Variants in PHTF2 observed in about 807,000 individuals in gnomAD.
The protein encoded by PHTF2 is putative homeodomain transcription factor 2, also known as protein PHTF2.
Under a neutral mutation model 101.2 loss-of-function variants are expected in PHTF2, and 60 were observed. That is an observed-to-expected ratio of 0.59 (90% CI 0.48 to 0.73). The LOEUF (loss-of-function observed/expected upper bound fraction) is 0.73. Among genes scored for constraint, PHTF2 ranks in the 30% least tolerant of loss-of-function variants. PHTF2 has a pLI of 0.00. For synonymous variants in PHTF2, 311 were observed against 307.3 expected, an observed-to-expected ratio of 1.01 and a Z score of -0.13; for missense variants, 747 against 908.7, an observed-to-expected ratio of 0.82 and a Z score of 2.29.
intron 7 of PHTF2, among the ~76,000 whole-genome samples, chr7:77,902,156 A>AT (rs1300608764): frequency 2.6e-5 from 4 of 152,120 alleles, no homozygotes; most frequent in Non-Finnish European, 5.9e-5. Flanking sequence ...AATCGAGAAG[A>AT]TTTTTTAAAA....
chr7:77,816,894 C>G (rs1321381408), intron 1 of PHTF2, among the ~76,000 whole-genome samples: 1 of 152,186 alleles, frequency 6.6e-6, no homozygotes, highest in Non-Finnish European at 1.5e-5. Flanking sequence ...CTGCGAATGA[C>G]AGGATTTGAT....
chr7:77,923,430 C>T lies in PHTF2; in HGVS notation c.1119+652C>T, dbSNP rs560285872. 756 of 984,650 alleles carry T rather than the reference C, an allele frequency of 7.7e-4. 3 individuals are homozygous for T. The highest frequency in any genetic ancestry group is 1.7e-3 in the Admixed American group (28 of 16,238). The allele number at this position is 984,650 out of a possible 1,614,324, so 61.0% of individuals were successfully genotyped here. ...TTTGAGCTATGTTAGTAATTTTTTC[C>T]TTGATGGTTTTGGGTTAAACTTGTA... On this transcript the variant is annotated intron_variant, in intron 11 of 19. Coordinates refer to ENST00000416283, the Ensembl canonical transcript of PHTF2.
chr7:77,868,397 G>A (rs182126770), intron 3 of PHTF2, among the ~76,000 whole-genome samples: 2 of 132,162 alleles, frequency 1.5e-5, no homozygotes, highest in East Asian at 2.4e-4. Flanking sequence ...TTGAACTCCC[G>A]GCTTCAAGCA....
intron 1 of PHTF2, among the ~76,000 whole-genome samples, chr7:77,812,213 T>C (rs1793496815): frequency 6.6e-6 from 1 of 152,230 alleles, no homozygotes; most frequent in African/African-American, 2.4e-5. Flanking sequence ...ATATGCTGAT[T>C]ATATTAAGTT....
intron 1 of PHTF2, among the ~76,000 whole-genome samples, chr7:77,834,297 AGT>A (rs1256018928): frequency 1.5e-5 from 2 of 134,282 alleles, no homozygotes; most frequent in African/African-American, 5.9e-5. Context: ...CGGGCAACTG[AGT>A]GAGACCTTGT....
chr7:77,854,878 T>A (rs1215388381), intron 3 of PHTF2: 6 of 732,570 alleles, frequency 8.2e-6, no homozygotes, highest in Non-Finnish European at 1.5e-5. Context: ...GGCAGCAGGC[T>A]TTGCTCTGGC....
rs1047325119 is a variant in PHTF2 at position 77,880,829 on chromosome 7, C to T, written c.148-12779C>T. The stretch of plus-strand genomic sequence containing the variant: ...GAGGAAACTTGCAAGTGCATATTAT[C>T]ATGCCTGGCATACTTGTAGGTGTTT... On this transcript the variant is annotated intron_variant, in intron 3 of 19. Coordinates refer to ENST00000416283, the Ensembl canonical transcript of PHTF2. 2.0e-5 allele frequency among the ~76,000 whole-genome samples: 3 copies of T among 152,192 alleles called. No homozygotes were observed. In the East Asian group the frequency reaches 5.8e-4, roughly 29 times the overall value.
intron 9 of PHTF2, among the ~76,000 whole-genome samples, chr7:77,915,702 C>G (rs1481354821): frequency 1.3e-5 from 2 of 152,148 alleles, no homozygotes; most frequent in African/African-American, 4.8e-5. Context: ...GGCCAGAGTT[C>G]TTTTCAACCG....
chr7:77,905,059 AT>A (rs762948127), intron 7 of PHTF2, among the ~76,000 whole-genome samples: 1 of 152,042 alleles, frequency 6.6e-6, no homozygotes, highest in Non-Finnish European at 1.5e-5. Flanking sequence ...GGCCCCAGAC[AT>A]TTCTTCTTGC....
intron 1 of PHTF2, among the ~76,000 whole-genome samples, chr7:77,831,355 A>G (rs766771206): frequency 2.6e-5 from 4 of 152,222 alleles, no homozygotes; most frequent in African/African-American, 9.7e-5. Context: ...GCCGTTTACT[A>G]TTGGTGAAGA....
intron 1 of PHTF2, among the ~76,000 whole-genome samples, chr7:77,820,013 C>G (rs1243580547): frequency 6.6e-6 from 1 of 152,152 alleles, no homozygotes; most frequent in African/African-American, 2.4e-5. Context: ...CCTCAGCCTC[C>G]TCAGTAGCTG....
At chr7:77,867,182 C>T (rs1240230384) in intron 3 of PHTF2, among the ~76,000 whole-genome samples, 2 of 152,078 alleles carry the variant, frequency 1.3e-5, no homozygotes, top group Non-Finnish European at 2.9e-5. Context: ...TTTAAATAAG[C>T]CCTGACAGCT....
At chr7:77,834,659 C>T (rs1006919349) in intron 1 of PHTF2, among the ~76,000 whole-genome samples, 1 of 152,144 alleles carries the variant, frequency 6.6e-6, no homozygotes, top group Admixed American at 6.5e-5. Context: ...CTAGATGGCA[C>T]TTGGGGAAAA....
intron 10 of PHTF2, 84 bp from the exon 10 acceptor site, chr7:77,922,539 T>C: frequency 5.8e-6 from 6 of 1,028,092 alleles, no homozygotes; most frequent in Non-Finnish European, 8.4e-6. Flanking sequence ...TATATATGTA[T>C]GTGTAATTTC....
At chr7:77,806,164 CA>C (rs149083447) in intron 1 of PHTF2, among the ~76,000 whole-genome samples, 173 of 125,668 alleles carry the variant, frequency 1.4e-3, no homozygotes, top group Admixed American at 1.5e-3. Flanking sequence ...GACTCCATCT[CA>C]AAAAAAAAAA....
chr7:77,905,253 T>A lies in PHTF2; in HGVS notation c.445+3333T>A, dbSNP rs549351340. On this transcript the variant is annotated intron_variant, in intron 7 of 19. Coordinates refer to ENST00000416283, the Ensembl canonical transcript of PHTF2. ...TCTATTCTGTTTTTTAGACATAGGG[T>A]TTTGCTTTGTTGCTCAGGCTGGAGT... Among the ~76,000 whole-genome samples, 5 of 152,226 alleles carry A rather than the reference T, an allele frequency of 3.3e-5. No individual in the cohort carries two copies. The South Asian group carries it at 1.0e-3, about 32-fold the overall frequency.
At chr7:77,809,224 GTTTT>G (rs34141515) in intron 1 of PHTF2, among the ~76,000 whole-genome samples, 12 of 98,508 alleles carry the variant, frequency 1.2e-4, no homozygotes, top group African/African-American at 3.1e-4. Flanking sequence ...CCAGTTCGTT[GTTTT>G]TTTTTTTTTT....
intron 11 of PHTF2, among the ~76,000 whole-genome samples, chr7:77,925,160 A>T (rs848488): frequency 0.76 from 115,038 of 152,100 alleles, 43,633 homozygotes; most frequent in East Asian, 0.86. Context: ...TTAGATTATT[A>T]AAATGACCTT....
intron 3 of PHTF2, among the ~76,000 whole-genome samples, chr7:77,875,277 A>G (rs1208392475): frequency 2.0e-5 from 3 of 152,004 alleles, no homozygotes; most frequent in African/African-American, 7.2e-5. Flanking sequence ...TAGTTTTCTT[A>G]CATAGATCTT....
Sources: gnomAD v4.1 joint callset for allele counts (sites outside exome capture counted in the v4.1 genomes callset) on GRCh38, gnomAD v4.1.1 for gene constraint, MANE v1.5 for transcripts, NCBI Gene and HGNC (gene_info 2026-07-23, HGNC 2026-07-21) for gene names.